FSTL4: variants seen among roughly 807,000 people sequenced by gnomAD.
FSTL4 encodes the protein follistatin like 4, also known as follistatin-related protein 4.
In FSTL4, 28 loss-of-function variants were observed where a neutral mutation model predicts 78.2. The observed-to-expected ratio is 0.36, with a 90% CI of 0.27 to 0.49. The LOEUF (loss-of-function observed/expected upper bound fraction) is 0.49, where lower values mean the gene tolerates loss of function less well. Ranked by LOEUF, FSTL4 falls within the 20% of genes least tolerant of loss-of-function variation. The pLI is 0.98. For missense variants in FSTL4, 922 were observed against 1,084.9 expected, an observed-to-expected ratio of 0.85 and a Z score of 2.11; for synonymous variants, 422 against 440.5, an observed-to-expected ratio of 0.96 and a Z score of 0.53.
At chr5:133,654,635 T>C in the FSTL4 span, among the ~76,000 whole-genome samples, 1 of 152,220 alleles carries the variant, frequency 6.6e-6, no homozygotes, top group African/African-American at 2.4e-5. Context: ...CTGCTGATGA[T>C]GCTGGTCATG....
the FSTL4 span, among the ~76,000 whole-genome samples, chr5:133,802,424 T>C: frequency 6.6e-6 from 1 of 152,146 alleles, no homozygotes; most frequent in Non-Finnish European, 1.5e-5. Flanking sequence ...AAATATGACA[T>C]TGAAAATAAG....
At chr5:133,596,039 G>C (rs887695981) in intron 2 of FSTL4, among the ~76,000 whole-genome samples, 11 of 152,342 alleles carry the variant, frequency 7.2e-5, no homozygotes, top group African/African-American at 2.6e-4. Context: ...AGGAGAAAGT[G>C]GCAACATGAA....
chr5:133,340,255 G>A (rs1300059725), intron 4 of FSTL4, among the ~76,000 whole-genome samples: 1 of 152,204 alleles, frequency 6.6e-6, no homozygotes, highest in Admixed American at 6.5e-5. Context: ...CAGGGGAGGA[G>A]CACCCCGGAT....
At chr5:133,224,782 T>C (rs1044328866) in intron 10 of FSTL4, among the ~76,000 whole-genome samples, 4 of 152,236 alleles carry the variant, frequency 2.6e-5, no homozygotes, top group Non-Finnish European at 5.9e-5. Context: ...ATGGTGTGCA[T>C]GTGTGCACAG....
the FSTL4 span, among the ~76,000 whole-genome samples, chr5:133,678,704 A>T: frequency 6.6e-6 from 1 of 152,152 alleles, no homozygotes; most frequent in Non-Finnish European, 1.5e-5. Context: ...GAAGTCGGGG[A>T]TGGAGTTACA....
chr5:133,690,007 G>A, the FSTL4 span, among the ~76,000 whole-genome samples: 1 of 152,132 alleles, frequency 6.6e-6, no homozygotes, highest in Non-Finnish European at 1.5e-5. Context: ...TTTGCAGTGA[G>A]CCCAGATCAC....
At chr5:133,501,034 C>T (rs6896109) in intron 3 of FSTL4, among the ~76,000 whole-genome samples, 3,196 of 152,064 alleles carry the variant, frequency 0.021, 119 homozygotes, top group African/African-American at 0.073. Context: ...AAGTGCCGTG[C>T]AATTTTAGCC....
intron 3 of FSTL4, among the ~76,000 whole-genome samples, chr5:133,524,567 G>T (rs1266307171): frequency 1.3e-5 from 2 of 152,198 alleles, no homozygotes; most frequent in Non-Finnish European, 2.9e-5. Context: ...AGAGAAGCCT[G>T]CTGTAGACAG....
chr5:133,769,488 C>T, the FSTL4 span, among the ~76,000 whole-genome samples: 4 of 152,316 alleles, frequency 2.6e-5, no homozygotes, highest in South Asian at 8.3e-4. Flanking sequence ...GAACATGCCA[C>T]TCTGTAGGGT....
chr5:133,782,434 T>C, the FSTL4 span, among the ~76,000 whole-genome samples: 6 of 152,332 alleles, frequency 3.9e-5, no homozygotes, highest in East Asian at 1.2e-3. Flanking sequence ...CACCTCCACC[T>C]ACTGTAAATG....
intron 4 of FSTL4, among the ~76,000 whole-genome samples, chr5:133,325,881 C>G (rs1754199577): frequency 6.6e-6 from 1 of 152,236 alleles, no homozygotes; most frequent in South Asian, 2.1e-4. Context: ...CTGGTTCCCA[C>G]ACTTTCCCCA....
the FSTL4 span, among the ~76,000 whole-genome samples, chr5:133,814,983 T>A: frequency 6.6e-6 from 1 of 152,142 alleles, no homozygotes; most frequent in Non-Finnish European, 1.5e-5. Context: ...CCAGCTCGCA[T>A]CAGAACCAAG....
intron 3 of FSTL4, among the ~76,000 whole-genome samples, chr5:133,406,990 C>T (rs1198667214): frequency 6.6e-6 from 1 of 152,208 alleles, no homozygotes; most frequent in African/African-American, 2.4e-5. Flanking sequence ...GTGATATGGT[C>T]TCTGCTTCAA....
At chr5:133,307,657 C>T (rs1753685439) in intron 6 of FSTL4, among the ~76,000 whole-genome samples, 1 of 152,158 alleles carries the variant, frequency 6.6e-6, no homozygotes, top group Non-Finnish European at 1.5e-5. Context: ...CCAGCGCTGG[C>T]CTCAGGAGAC....
the FSTL4 span, among the ~76,000 whole-genome samples, chr5:133,780,162 A>C: frequency 6.6e-6 from 1 of 152,160 alleles, no homozygotes; most frequent in African/African-American, 2.4e-5. Flanking sequence ...AGGGAAGGAC[A>C]GCAGTTCCAG....
intron 3 of FSTL4, among the ~76,000 whole-genome samples, chr5:133,556,524 G>A (rs899436465): frequency 5.3e-5 from 8 of 152,078 alleles, no homozygotes; most frequent in Non-Finnish European, 1.0e-4. Flanking sequence ...TCAGGAGTTC[G>A]AGACCAGCCT....
intron 6 of FSTL4, among the ~76,000 whole-genome samples, chr5:133,288,004 G>T (rs1753176396): frequency 6.6e-6 from 1 of 152,342 alleles, no homozygotes; most frequent in African/African-American, 2.4e-5. Context: ...TTTAATCCCA[G>T]CTGTGCTATT....
At chr5:133,212,486 TACTCTCTTTGCCTAGCAGAGGAA>T (rs1180540185) in intron 13 of FSTL4, among the ~76,000 whole-genome samples, 1 of 152,242 alleles carries the variant, frequency 6.6e-6, no homozygotes, top group Non-Finnish European at 1.5e-5. Context: ...ACTCAGTCTC[TACTCTCTTTGCCTAGCAGAGGAA>T]AGTGTAATCT....
chr5:133,243,471 A>C (rs938801301), intron 7 of FSTL4, among the ~76,000 whole-genome samples: 1 of 152,242 alleles, frequency 6.6e-6, no homozygotes, highest in Non-Finnish European at 1.5e-5. Context: ...AGCTCCACAC[A>C]CAGGGACCCA....
Sources: gnomAD v4.1 joint callset for allele counts (sites outside exome capture counted in the v4.1 genomes callset) on GRCh38, gnomAD v4.1.1 for gene constraint, MANE v1.5 for transcripts, NCBI Gene and HGNC (gene_info 2026-07-23, HGNC 2026-07-21) for gene names.